RIMS2: variants seen among roughly 807,000 people sequenced by gnomAD.
RIMS2 encodes the protein regulating synaptic membrane exocytosis 2.
In RIMS2, 59 loss-of-function variants were observed where a neutral mutation model predicts 174.4. The ratio of observed to expected loss-of-function variants is 0.34; its 90% CI spans 0.27 to 0.42. The LOEUF (loss-of-function observed/expected upper bound fraction) is 0.42. Among genes scored for constraint, RIMS2 ranks in the 10% least tolerant of loss-of-function variants. The pLI is 1.00. For synonymous variants in RIMS2, 606 were observed against 572.5 expected (o/e 1.06, Z -0.84); for missense variants, 1,620 against 1,666.3 (o/e 0.97, Z 0.48).
At chr8:103,500,756 CTTGGA>C in exon 1 of RIMS2, 1 of 564,066 alleles carries the variant, frequency 1.8e-6, no homozygotes, top group Non-Finnish European at 3.1e-6. Context: ...GGGCTGTCGC[CTTGGA>C]TTGAAGGCCA....
At chr8:103,817,734 C>T (rs2098726809) in intron 3 of RIMS2, among the ~76,000 whole-genome samples, 1 of 152,096 alleles carries the variant, frequency 6.6e-6, no homozygotes, top group Non-Finnish European at 1.5e-5. Context: ...CACCACTACA[C>T]TTCAGCCTGG....
chr8:103,701,810 A>T (rs991990378), intron 2 of RIMS2, among the ~76,000 whole-genome samples: 1 of 152,124 alleles, frequency 6.6e-6, no homozygotes, highest in Non-Finnish European at 1.5e-5. Flanking sequence ...GTATATATAC[A>T]ACATTTTAGA....
chr8:103,577,778 A>G (rs1456907411), intron 1 of RIMS2, among the ~76,000 whole-genome samples: 1 of 152,244 alleles, frequency 6.6e-6, no homozygotes, highest in Non-Finnish European at 1.5e-5. Flanking sequence ...AAAGCCAGAC[A>G]GAAACCTTGG....
At chr8:104,000,086 TC>T (rs767288599) in intron 17 of RIMS2, among the ~76,000 whole-genome samples, 2 of 151,732 alleles carry the variant, frequency 1.3e-5, no homozygotes, top group African/African-American at 2.4e-5. Flanking sequence ...CAACAGAAAC[TC>T]TTGAGGACCT....
At chr8:103,594,825 C>T (rs1401811070) in intron 1 of RIMS2, among the ~76,000 whole-genome samples, 1 of 151,682 alleles carries the variant, frequency 6.6e-6, no homozygotes, top group Non-Finnish European at 1.5e-5. Context: ...GTTGCCTAAC[C>T]TTCATTTACA....
chr8:104,008,878 A>C (rs193254174), intron 17 of RIMS2, among the ~76,000 whole-genome samples: 8 of 152,206 alleles, frequency 5.3e-5, no homozygotes, highest in Admixed American at 1.3e-4. Context: ...TCTGTAGAAT[A>C]ATGCTATTAC....
intron 19 of RIMS2, among the ~76,000 whole-genome samples, chr8:104,093,245 G>T (rs2097694071): frequency 6.7e-6 from 1 of 149,608 alleles, no homozygotes; most frequent in Admixed American, 6.6e-5. Context: ...GGCCTTCACT[G>T]GGGTGTGGTA....
At chr8:104,241,265 C>T in intron 19 of RIMS2, among the ~76,000 whole-genome samples, 1 of 152,168 alleles carries the variant, frequency 6.6e-6, no homozygotes, top group East Asian at 1.9e-4. Flanking sequence ...TCTACAAATG[C>T]TGGTTCTGTC....
intron 1 of RIMS2, among the ~76,000 whole-genome samples, chr8:103,644,896 A>G (rs1353880732): frequency 6.6e-6 from 1 of 151,960 alleles, no homozygotes; most frequent in Non-Finnish European, 1.5e-5. Context: ...AAAACTTGTC[A>G]CTGATTAAGA....
At chr8:103,511,096 A>G (rs949668845) in intron 1 of RIMS2, among the ~76,000 whole-genome samples, 1 of 152,180 alleles carries the variant, frequency 6.6e-6, no homozygotes, top group Non-Finnish European at 1.5e-5. Context: ...AGTGCCGCCA[A>G]TCTGCATTCC....
At chr8:103,827,192 T>C (rs977202632) in intron 3 of RIMS2, among the ~76,000 whole-genome samples, 26 of 152,202 alleles carry the variant, frequency 1.7e-4, no homozygotes, top group Non-Finnish European at 3.2e-4. Context: ...TATGACTTTG[T>C]GAAAATTTCC....
At chr8:104,217,179 A>G (rs1347992969) in intron 19 of RIMS2, among the ~76,000 whole-genome samples, 1 of 152,172 alleles carries the variant, frequency 6.6e-6, no homozygotes, top group Non-Finnish European at 1.5e-5. Flanking sequence ...GTTAACTTCC[A>G]TGGATATATT....
At chr8:103,853,485 T>C (rs2099010526) in intron 3 of RIMS2, among the ~76,000 whole-genome samples, 1 of 152,026 alleles carries the variant, frequency 6.6e-6, no homozygotes, top group African/African-American at 2.4e-5. Flanking sequence ...GGGTATTTTC[T>C]AATTTTCTTC....
intron 19 of RIMS2, among the ~76,000 whole-genome samples, chr8:104,227,841 G>A (rs912816822): frequency 6.6e-6 from 1 of 152,000 alleles, no homozygotes; most frequent in Non-Finnish European, 1.5e-5. Context: ...CATCCCACTA[G>A]CTTAAAAATA....
At chr8:103,745,027 G>A (rs2097795210) in intron 2 of RIMS2, among the ~76,000 whole-genome samples, 1 of 152,092 alleles carries the variant, frequency 6.6e-6, no homozygotes, top group Non-Finnish European at 1.5e-5. Context: ...TTTTTTAGTT[G>A]AGATATTTAT....
chr8:103,724,326 G>C (rs953131567), intron 2 of RIMS2, among the ~76,000 whole-genome samples: 2 of 152,030 alleles, frequency 1.3e-5, no homozygotes, highest in African/African-American at 4.8e-5. Context: ...ATCACTCTCT[G>C]CATTTCTCTT....
intron 1 of RIMS2, among the ~76,000 whole-genome samples, chr8:103,608,946 C>T (rs2095262802): frequency 2.0e-5 from 3 of 152,158 alleles, no homozygotes. Flanking sequence ...AGAAATCACC[C>T]TTCTTCTGCG....
chr8:103,587,451 A>G (rs889586238), intron 1 of RIMS2, among the ~76,000 whole-genome samples: 1 of 124,896 alleles, frequency 8.0e-6, no homozygotes, highest in East Asian at 2.0e-4. Flanking sequence ...AAAGAAAGAA[A>G]GAAAGAAAGA....
At chr8:104,004,437 G>T (rs2095499514) in intron 17 of RIMS2, among the ~76,000 whole-genome samples, 1 of 152,092 alleles carries the variant, frequency 6.6e-6, no homozygotes, top group Non-Finnish European at 1.5e-5. Flanking sequence ...AATAATGAAT[G>T]AAAAATGCCT....
Sources: gnomAD v4.1 joint callset for allele counts (sites outside exome capture counted in the v4.1 genomes callset) on GRCh38, gnomAD v4.1.1 for gene constraint, MANE v1.5 for transcripts, NCBI Gene and HGNC (gene_info 2026-07-23, HGNC 2026-07-21) for gene names.